ELAVL2: variants seen among roughly 807,000 people sequenced by gnomAD.
ELAVL2 encodes the protein ELAV like RNA binding protein 2.
ELAVL2 carries 4 observed loss-of-function variants against 34.6 expected under a neutral mutation model. The observed-to-expected ratio is 0.12, with a 90% CI of 0.06 to 0.26. ELAVL2 has a LOEUF of 0.26. Ranked by LOEUF, ELAVL2 falls within the 10% of genes least tolerant of loss-of-function variation. The pLI is 1.00. For missense variants in ELAVL2, 432 were observed against 442.8 expected, an observed-to-expected ratio of 0.98 and a Z score of 0.22; for synonymous variants, 193 against 154.8, an observed-to-expected ratio of 1.25 and a Z score of -1.83.
chr9:23,707,340 A>C (rs1272505565), intron 3 of ELAVL2, among the ~76,000 whole-genome samples: 1 of 152,206 alleles, frequency 6.6e-6, no homozygotes, highest in Non-Finnish European at 1.5e-5. Flanking sequence ...GAAAAGGTGA[A>C]ACCTCACCAG....
intron 1 of ELAVL2, among the ~76,000 whole-genome samples, chr9:23,779,758 G>A (rs1224083029): frequency 6.6e-6 from 1 of 151,786 alleles, no homozygotes; most frequent in African/African-American, 2.4e-5. Context: ...GAAAGTTTCT[G>A]TGATTTCAAG....
At chr9:23,760,722 C>T (rs2054776368) in intron 2 of ELAVL2, among the ~76,000 whole-genome samples, 2 of 152,030 alleles carry the variant, frequency 1.3e-5, no homozygotes, top group African/African-American at 4.8e-5. Flanking sequence ...ATTTAAGCAA[C>T]ATAATTAAAA....
intron 2 of ELAVL2, among the ~76,000 whole-genome samples, chr9:23,742,082 C>G (rs2049342043): frequency 6.6e-6 from 1 of 152,124 alleles, no homozygotes; most frequent in Non-Finnish European, 1.5e-5. Flanking sequence ...ACCTTTTGAA[C>G]CATAATACCC....
At chr9:23,828,325 G>A (rs958989438), upstream of ELAVL2, among the ~76,000 whole-genome samples, 1 of 152,122 alleles carries the variant, frequency 6.6e-6, no homozygotes, top group Non-Finnish European at 1.5e-5. Flanking sequence ...AGTTGCATAT[G>A]CCCATATAAT....
At chr9:23,713,678 G>C (rs558391847) in intron 3 of ELAVL2, among the ~76,000 whole-genome samples, 1 of 152,142 alleles carries the variant, frequency 6.6e-6, no homozygotes, top group Non-Finnish European at 1.5e-5. Context: ...TAAATACTAA[G>C]TAATGTGAAT....
chr9:23,730,462 G>C (rs1213509662), intron 3 of ELAVL2, among the ~76,000 whole-genome samples: 1 of 152,012 alleles, frequency 6.6e-6, no homozygotes, highest in Non-Finnish European at 1.5e-5. Flanking sequence ...TAACCCATGA[G>C]CTAAGAATGG....
chr9:23,782,446 C>G (rs1370352589), intron 1 of ELAVL2, among the ~76,000 whole-genome samples: 1 of 151,972 alleles, frequency 6.6e-6, no homozygotes, highest in Non-Finnish European at 1.5e-5. Context: ...GTAGTGCACA[C>G]CTGTAATCCC....
chr9:23,776,289 T>A (rs1452330236), intron 1 of ELAVL2, among the ~76,000 whole-genome samples: 3 of 152,214 alleles, frequency 2.0e-5, no homozygotes, highest in South Asian at 2.1e-4. Context: ...CAGCATTTTT[T>A]AATTCCTAGC....
At chr9:23,739,004 C>A (rs1433442661) in intron 2 of ELAVL2, among the ~76,000 whole-genome samples, 1 of 152,156 alleles carries the variant, frequency 6.6e-6, no homozygotes, top group Non-Finnish European at 1.5e-5. Context: ...TTTCAGACAA[C>A]ATTAAGAACT....
chr9:23,803,197 T>A (rs537752001), intron 1 of ELAVL2, among the ~76,000 whole-genome samples: 2 of 152,326 alleles, frequency 1.3e-5, no homozygotes, highest in South Asian at 4.1e-4. Context: ...AGTACTACCC[T>A]GATTTATAAG....
intron 1 of ELAVL2, among the ~76,000 whole-genome samples, chr9:23,789,366 A>C (rs1481622887): frequency 6.6e-6 from 1 of 152,232 alleles, no homozygotes; most frequent in Non-Finnish European, 1.5e-5. Flanking sequence ...GTGAATTTAT[A>C]TATTAAGTGA....
At chr9:23,830,625 C>CACACACACA (rs1554774159), upstream of ELAVL2, among the ~76,000 whole-genome samples, 1,818 of 141,896 alleles carry the variant, frequency 0.013, 44 homozygotes, top group African/African-American at 0.044. Flanking sequence ...CACACACACA[C>CACACACACA]CTTTTTTTTT....
chr9:23,747,337 G>T (rs1323603800), intron 2 of ELAVL2, among the ~76,000 whole-genome samples: 1 of 152,042 alleles, frequency 6.6e-6, no homozygotes, highest in East Asian at 1.9e-4. Flanking sequence ...GTTTATTTCT[G>T]GGATTTTCCA....
intron 5 of ELAVL2, among the ~76,000 whole-genome samples, chr9:23,697,540 A>C (rs779546656): frequency 1.3e-5 from 2 of 152,178 alleles, no homozygotes; most frequent in Admixed American, 1.3e-4. Flanking sequence ...GCACACGCCC[A>C]TGTACATATG....
chr9:23,850,235 A>ACC, the ELAVL2 span, among the ~76,000 whole-genome samples: 1 of 124,784 alleles, frequency 8.0e-6, no homozygotes, highest in African/African-American at 3.0e-5. Context: ...CACCACCACC[A>ACC]CCCCCCCCGC....
intron 2 of ELAVL2, among the ~76,000 whole-genome samples, chr9:23,733,655 T>C (rs1459634971): frequency 6.6e-6 from 1 of 152,208 alleles, no homozygotes; most frequent in Non-Finnish European, 1.5e-5. Flanking sequence ...GAGTGCCTAC[T>C]GAGATTAGAT....
chr9:23,770,421 T>C (rs1398134765), intron 1 of ELAVL2, among the ~76,000 whole-genome samples: 3 of 152,146 alleles, frequency 2.0e-5, no homozygotes, highest in African/African-American at 7.2e-5. Flanking sequence ...TATGTTATGT[T>C]ACATGACAAG....
the ELAVL2 span, among the ~76,000 whole-genome samples, chr9:23,843,423 T>C: frequency 6.6e-6 from 1 of 152,094 alleles, no homozygotes; most frequent in African/African-American, 2.4e-5. Context: ...TGAAGACTTT[T>C]TACAGTAAAA....
At chr9:23,731,638 G>A (rs1303764072) in intron 2 of ELAVL2, among the ~76,000 whole-genome samples, 5 of 152,120 alleles carry the variant, frequency 3.3e-5, no homozygotes, top group African/African-American at 9.7e-5. Flanking sequence ...ATGTGTGGGC[G>A]TGTATACATG....
Sources: allele counts gnomAD v4.1 joint callset (sites outside exome capture counted in the v4.1 genomes callset), GRCh38; gene constraint gnomAD v4.1.1; transcripts MANE v1.5; gene names NCBI Gene and HGNC (gene_info 2026-07-23, HGNC 2026-07-21).